Variants in ANAPC10 observed in about 807,000 individuals in gnomAD.
ANAPC10 encodes the protein anaphase promoting complex subunit 10.
ANAPC10 carries 12 observed loss-of-function variants against 22.0 expected under a neutral mutation model. The ratio of observed to expected loss-of-function variants is 0.55; its 90% CI spans 0.35 to 0.88. The LOEUF (loss-of-function observed/expected upper bound fraction) is 0.88. Among genes scored for constraint, ANAPC10 ranks in the 40% least tolerant of loss-of-function variants. The probability of loss-of-function intolerance (pLI) is 0.01; values close to 1 mark genes in which losing one functional copy is unlikely to be tolerated. For synonymous variants in ANAPC10, 65 were observed against 69.5 expected (o/e 0.94, Z 0.32); for missense variants, 188 against 220.9 (o/e 0.85, Z 0.94).
chr4:144,997,188 C>T (rs188040441), intron 4 of ANAPC10, among the ~76,000 whole-genome samples: 56 of 152,278 alleles, frequency 3.7e-4, no homozygotes, highest in Admixed American at 3.7e-3. Context: ...AGAAGAACTT[C>T]CCCAATCTAG....
At chr4:145,028,451 T>C (rs1737066439) in intron 4 of ANAPC10, among the ~76,000 whole-genome samples, 1 of 152,156 alleles carries the variant, frequency 6.6e-6, no homozygotes, top group African/African-American at 2.4e-5. Flanking sequence ...TGTAACTTAA[T>C]GCTTAAGAAA....
rs1333337382 is a variant in ANAPC10 at position 144,995,537 on chromosome 4, T to C, written c.394A>G (p.Thr132Ala). 2.5e-6 allele frequency: 4 copies of C among 1,613,940 alleles called. No homozygotes were observed. Among genetic ancestry groups the C allele is most frequent in the Non-Finnish European group, 3.4e-6 (4 of 1,179,908 alleles). The change falls in exon 5 of 5, where the codon ACT becomes GCT. Residue 132 changes from threonine (T) to alanine (A), a missense_variant. Coordinates refer to ENST00000507656, the MANE Select transcript of ANAPC10 (RefSeq NM_001256706.2). ...VPLTDNHKKP[T>A]RTFMIQIAVL... ...GCAATCTGTATCATGAATGTACGAG[T>C]TGGCTTCTTATGATTGTCAGTTAAG... is the stretch of plus-strand genomic sequence containing the variant.
In ANAPC10 at chr4:144,995,604, C is replaced by T; in HGVS notation, c.328-1G>A. The T allele has an allele frequency of 1.3e-6, 2 of 1,594,520 alleles. No individual in the cohort carries two copies. Among genetic ancestry groups the T allele is most frequent in the Non-Finnish European group, 1.7e-6 (2 of 1,171,010 alleles). On this transcript the variant is annotated splice_acceptor_variant, in intron 4 of 4. Transcript: ENST00000507656. LOFTEE classifies it high-confidence loss of function. The stretch of plus-strand genomic sequence containing the variant: ...CACTTGGTTCCACCAACTCAAGTTG[C>T]TGCCAAGGGAAAAAAAATCAGATTA...
At chr4:145,016,892 T>C (rs1198512964) in intron 4 of ANAPC10, among the ~76,000 whole-genome samples, 5 of 152,320 alleles carry the variant, frequency 3.3e-5, no homozygotes, top group Non-Finnish European at 7.3e-5. Context: ...ATTTAATAAA[T>C]GGTGTTGGGA....
chr4:145,090,097 G>A (rs1405863152), intron 2 of ANAPC10, among the ~76,000 whole-genome samples: 1 of 152,042 alleles, frequency 6.6e-6, no homozygotes, highest in East Asian at 1.9e-4. Flanking sequence ...GTATACCTCT[G>A]CACATATTAT....
At chr4:145,001,856 G>C (rs995676708) in intron 4 of ANAPC10, among the ~76,000 whole-genome samples, 1 of 152,098 alleles carries the variant, frequency 6.6e-6, no homozygotes, top group Non-Finnish European at 1.5e-5. Context: ...CTTAAGAGCA[G>C]ATGTAACCCG....
intron 4 of ANAPC10, among the ~76,000 whole-genome samples, chr4:145,016,201 G>T (rs1317731787): frequency 6.6e-6 from 1 of 152,198 alleles, no homozygotes; most frequent in East Asian, 1.9e-4. Context: ...CAGATGACAT[G>T]ATTGTATATT....
At chr4:145,071,774 C>T (rs1051318744) in intron 3 of ANAPC10, among the ~76,000 whole-genome samples, 2 of 152,130 alleles carry the variant, frequency 1.3e-5, no homozygotes, top group African/African-American at 2.4e-5. Context: ...AACAAGAGAA[C>T]TGCAGATAAA....
At chr4:145,006,150 ATATAT>A (rs1238044956) in intron 4 of ANAPC10, among the ~76,000 whole-genome samples, 1 of 152,122 alleles carries the variant, frequency 6.6e-6, no homozygotes, top group East Asian at 1.9e-4. Flanking sequence ...TTGACTGCAT[ATATAT>A]TTAGGGCAGT....
At chr4:145,054,277 C>A (rs1283881213) in intron 4 of ANAPC10, among the ~76,000 whole-genome samples, 1 of 150,458 alleles carries the variant, frequency 6.6e-6, no homozygotes, top group Admixed American at 6.6e-5. Context: ...CCACACCAGG[C>A]GCGGTAGCTC....
chr4:145,081,387 G>A (rs552594103), intron 3 of ANAPC10, among the ~76,000 whole-genome samples: 9 of 151,960 alleles, frequency 5.9e-5, no homozygotes, highest in Admixed American at 2.0e-4. Flanking sequence ...GAAAGTACCC[G>A]CAAAAAATAA....
Position 145,010,196 on chromosome 4 carries a change from G to C in ANAPC10, c.328-14593C>G, listed in dbSNP as rs377537608. On this transcript the variant is annotated intron_variant, in intron 4 of 4. Coordinates refer to ENST00000507656, the MANE Select transcript of ANAPC10 (RefSeq NM_001256706.2). ...CCCCAGGTGCTGGAGGGGATGTGGA[G>C]AAATAGGAACATTTTTACACTGTTG... is the stretch of plus-strand genomic sequence containing the variant. Among the ~76,000 whole-genome samples, 13 of 152,272 alleles carry C rather than the reference G, an allele frequency of 8.5e-5. No homozygotes were observed. The East Asian group carries it at 2.5e-3, about 29-fold the overall frequency.
intron 3 of ANAPC10, among the ~76,000 whole-genome samples, chr4:145,073,687 C>T (rs1369374881): frequency 6.6e-6 from 1 of 152,008 alleles, no homozygotes; most frequent in Admixed American, 6.5e-5. Flanking sequence ...ATTTATCTTT[C>T]ATTATTAAAC....
chr4:145,000,650 G>T (rs1293079030), intron 4 of ANAPC10, among the ~76,000 whole-genome samples: 1 of 152,206 alleles, frequency 6.6e-6, no homozygotes, highest in Non-Finnish European at 1.5e-5. Flanking sequence ...TGACTGCTCA[G>T]AGATCTAGAA....
chr4:145,024,395 C>T (rs906928278), intron 4 of ANAPC10, among the ~76,000 whole-genome samples: 1 of 152,178 alleles, frequency 6.6e-6, no homozygotes, highest in Admixed American at 6.6e-5. Flanking sequence ...AGAGGAATCA[C>T]TATGGCAGCT....
At chr4:145,013,696 C>T (rs1435976321) in intron 4 of ANAPC10, among the ~76,000 whole-genome samples, 2 of 152,020 alleles carry the variant, frequency 1.3e-5, no homozygotes, top group African/African-American at 4.8e-5. Flanking sequence ...CAAGAGGACC[C>T]ACAGACCCTC....
chr4:145,004,511 G>T (rs1253908401), intron 4 of ANAPC10, among the ~76,000 whole-genome samples: 4 of 152,106 alleles, frequency 2.6e-5, no homozygotes, highest in African/African-American at 9.7e-5. Flanking sequence ...TTTGAAGTAT[G>T]TTCCTTCAAT....
At chr4:145,046,480 C>T (rs1458333055) in intron 4 of ANAPC10, among the ~76,000 whole-genome samples, 3 of 151,992 alleles carry the variant, frequency 2.0e-5, no homozygotes, top group African/African-American at 7.2e-5. Flanking sequence ...GAAGTATCCA[C>T]GTTAGTAAAA....
intron 4 of ANAPC10, among the ~76,000 whole-genome samples, chr4:144,999,746 A>T (rs1187812135): frequency 2.6e-5 from 4 of 152,210 alleles, no homozygotes; most frequent in East Asian, 3.8e-4. Context: ...CATTGCCAAG[A>T]CAATCCTACG....
Sources: allele counts gnomAD v4.1 joint callset (sites outside exome capture counted in the v4.1 genomes callset), GRCh38; gene constraint gnomAD v4.1.1; transcripts MANE v1.5; gene names NCBI Gene and HGNC (gene_info 2026-07-23, HGNC 2026-07-21).